The following FGA variants were observed in gnomAD, a reference collection of about 807,000 sequenced individuals.
The protein encoded by FGA is fibrinogen alpha chain.
In FGA, 20 loss-of-function variants were observed where a neutral mutation model predicts 20.3. The ratio of observed to expected loss-of-function variants is 0.99; its 90% CI spans 0.69 to 1.43. FGA has a LOEUF of 1.43. Among genes scored for constraint, FGA ranks in the 40% most tolerant of loss-of-function variants. FGA has a pLI of 0.00. For synonymous variants in FGA, 306 were observed against 281.6 expected, an observed-to-expected ratio of 1.09 and a Z score of -0.87; for missense variants, 777 against 784.7, an observed-to-expected ratio of 0.99 and a Z score of 0.12.
chr4:154,584,357 T>C, downstream of FGA: 1 of 1,614,162 alleles, frequency 6.2e-7, no homozygotes, highest in Non-Finnish European at 8.5e-7. Flanking sequence ...TCTGCATCCC[T>C]GTCAAAGGTG....
chr4:154,586,223 G>T lies in FGA; in HGVS notation c.1206C>A (p.Asn402Lys), dbSNP rs768140528. Residue 402 changes from asparagine to lysine, a missense_variant, in exon 5 of 5, where the codon AAC (asparagine) becomes AAA (lysine). Asn to Lys is a moderately conservative substitution (Grantham distance 94). Coordinates refer to ENST00000403106, the MANE Select transcript of FGA (RefSeq NM_021871.4). ...CCCAGTCTGGGTTGTTAGGCCTCGC[G>T]TTCCCAGAGCCTGGGCTATCTGGCC... Reference protein sequence around the residue: ...SFRPDSPGSGNARPNNPDWGT... With the variant: ...SFRPDSPGSGKARPNNPDWGT... The T allele has an allele frequency of 6.2e-7, 1 of 1,613,934 alleles. No homozygotes were observed. The highest frequency in any genetic ancestry group is 8.5e-7 in the Non-Finnish European group (1 of 1,179,990).
In FGA at chr4:154,586,853, TA is replaced by T; in HGVS notation, c.575del (p.Val192GlufsTer3). On this transcript the variant is annotated frameshift_variant, in exon 5 of 5. Coordinates refer to ENST00000403106, the MANE Select transcript of FGA (RefSeq NM_021871.4). LOFTEE classifies it low-confidence loss of function (END_TRUNC). The stretch of plus-strand genomic sequence containing the variant: ...GCTGATCTTCATAGTCCTTCAGATC[TA>T]CTTCACGAGCTAAAGCCCTACTGCA... ...GSCSRALARE[V>X]DLKDYEDQQK... 4 of 1,614,148 alleles carry T rather than the reference TA, an allele frequency of 2.5e-6. No individual in the cohort carries two copies. Among genetic ancestry groups the T allele is most frequent in the Non-Finnish European group, 3.4e-6 (4 of 1,179,976 alleles).
At chr4:154,583,990 A>G (rs892552324), downstream of FGA, 6 of 692,312 alleles carry the variant, frequency 8.7e-6, 1 homozygote, top group Admixed American at 1.1e-4. Flanking sequence ...ACATTTAGCT[A>G]CAGTACAAAG....
intron 1 of FGA, among the ~76,000 whole-genome samples, 192 bp from the exon 2 acceptor site, chr4:154,589,754 T>C (rs1016057016): frequency 1.5e-4 from 23 of 152,188 alleles, no homozygotes; most frequent in Admixed American, 1.3e-3. Flanking sequence ...TTTTATGGAG[T>C]TGTTATGAGA....
In FGA at chr4:154,586,247, C is replaced by A; in HGVS notation, c.1182G>T (p.Arg394Ser). 3 of 1,614,052 alleles carry A rather than the reference C, an allele frequency of 1.9e-6. No individual in the cohort carries two copies. Among genetic ancestry groups the A allele is most frequent in the Non-Finnish European group, 2.5e-6 (3 of 1,179,954 alleles). The change falls in exon 5 of 5, where the codon AGG becomes AGT. Residue 394 changes from arginine (R) to serine (S), a missense_variant. By Grantham distance (110) the Arg-to-Ser change is moderately radical. Coordinates refer to ENST00000403106, the MANE Select transcript of FGA (RefSeq NM_021871.4). ...CGTTCCCAGAGCCTGGGCTATCTGG[C>A]CTAAAACTTCCAGATTCAGAGTGCC... ...GQWHSESGSF[R>S]PDSPGSGNAR...
At chr4:154,584,617 C>G (rs1730664263), downstream of FGA, 4 of 1,614,042 alleles carry the variant, frequency 2.5e-6, no homozygotes, top group East Asian at 8.9e-5. Context: ...TTCTCCTTCC[C>G]CCTCGTCATT....
At chr4:154,584,884 C>G (rs1179374903), downstream of FGA, 1 of 1,323,032 alleles carries the variant, frequency 7.6e-7, no homozygotes, top group Non-Finnish European at 1.1e-6. Context: ...TTTAACTTTA[C>G]AAAGATAGGC....
chr4:154,585,699 G>A lies in FGA; in HGVS notation c.1730C>T (p.Ser577Leu). ...ACTAGTAAATTGTTTGCTGTAACTT[G>A]AAGATTTACCACGGGAAGGGAATTC... ...IAEFPSRGKS[S>L]SYSKQFTSST... The change falls in exon 5 of 5, where the codon TCA becomes TTA. Residue 577 changes from serine to leucine, a missense_variant. Physicochemically the swap from Ser to Leu is moderately radical, Grantham distance 145. Transcript: ENST00000403106. 1 of 1,614,160 alleles carries A rather than the reference G, an allele frequency of 6.2e-7. No individual in the cohort carries two copies. The highest frequency in any genetic ancestry group is 1.1e-5 in the South Asian group (1 of 91,068).
In FGA at chr4:154,586,930, G is replaced by C. The variant is rs377172488; in HGVS notation, c.511-12C>G. On this transcript the variant is annotated splice_polypyrimidine_tract_variant and intron_variant, in intron 4 of 4. Coordinates refer to ENST00000403106, the MANE Select transcript of FGA (RefSeq NM_021871.4). ...ATATCAATGTCCACCTAGAGAGAGGGGAGAAAAATAAAGAGAAAATGTAGA... is the reference window on the plus strand; with the variant it reads ...ATATCAATGTCCACCTAGAGAGAGGCGAGAAAAATAAAGAGAAAATGTAGA... 5.6e-6 allele frequency: 9 copies of C among 1,611,902 alleles called. No homozygotes were observed. Among genetic ancestry groups the C allele is most frequent in the Non-Finnish European group, 7.6e-6 (9 of 1,179,340 alleles).
Position 154,586,692 on chromosome 4 carries a change from G to A in FGA, c.737C>T (p.Pro246Leu), listed in dbSNP as rs781564517. The A allele has an allele frequency of 5.6e-6, 9 of 1,614,206 alleles. No homozygotes were observed. Among genetic ancestry groups the A allele is most frequent in the Non-Finnish European group, 3.4e-6 (4 of 1,180,024 alleles). The change falls in exon 5 of 5, where the codon CCA (proline) becomes CTA (leucine). Residue 246 changes from proline (P) to leucine (L), a missense_variant. Physicochemically the swap from Pro to Leu is moderately conservative, Grantham distance 98. Transcript: ENST00000403106. ...NFKSQLQKVP[P>L]EWKALTDMPQ... ...CATGTCTGTTAATGCCTTCCACTCTGGGGGTACCTTCTGAAGCTGGCTCTT... is the reference window on the plus strand; with the variant it reads ...CATGTCTGTTAATGCCTTCCACTCTAGGGGTACCTTCTGAAGCTGGCTCTT...
downstream of FGA, chr4:154,584,090 G>GAAGACAGAGTGCTCCCATTCCCACTTCA (rs2110804526): frequency 1.3e-6 from 2 of 1,485,086 alleles, no homozygotes; most frequent in South Asian, 1.1e-5. Flanking sequence ...CTCTAGCAAA[G>GAAGACAGAGTGCTCCCATTCCCACTTCA]AAGACAGAGT....
In FGA at chr4:154,587,520, G is replaced by A. The variant is rs755117226; in HGVS notation, c.502C>T (p.Arg168Ter). ...CACAGCCACATACTTACCTCCAGTC[G>A]TTTCATATCAACCAACTGAGCTCTA... ...NVRAQLVDMK[R>*]LEVDIDIKIR... Residue 168 changes from arginine (R) to a stop codon, truncating the protein, a stop_gained, in exon 4 of 5, where the codon CGA (arginine) becomes TGA (stop). Transcript: ENST00000403106. LOFTEE classifies it low-confidence loss of function (END_TRUNC). The A allele has an allele frequency of 1.5e-5, 24 of 1,613,652 alleles. No homozygotes were observed. The highest frequency in any genetic ancestry group is 2.7e-5 in the African/African-American group (2 of 74,824).
In FGA at chr4:154,585,567, C is replaced by G; in HGVS notation, c.1862G>C (p.Arg621Thr). 1.2e-6 allele frequency: 2 copies of G among 1,614,196 alleles called. No individual in the cohort carries two copies. Residue 621 changes from arginine to threonine, a missense_variant, in exon 5 of 5, where the codon AGA becomes ACA. Physicochemically the swap from Arg to Thr is moderately conservative, Grantham distance 71 (BLOSUM62 -1). Coordinates refer to ENST00000403106, the MANE Select transcript of FGA (RefSeq NM_021871.4). ...GACAGGGCGAGATTTAGCATGGCCT[C>G]TCTTGGTGCTATGTGTTCCTTCATG... ...ADHEGTHSTK[R>T]GHAKSRPVRG...
In FGA at chr4:154,588,942, C is replaced by A; in HGVS notation, c.215G>T (p.Gly72Val). The A allele has an allele frequency of 1.9e-6, 3 of 1,613,642 alleles. No individual in the cohort carries two copies. Among genetic ancestry groups the A allele is most frequent in the South Asian group, 1.1e-5 (1 of 91,056 alleles). Residue 72 changes from glycine (G) to valine (V), a missense_variant, in exon 3 of 5, where the codon GGG becomes GTG. Coordinates refer to ENST00000403106, the MANE Select transcript of FGA (RefSeq NM_021871.4). ...YKCPSGCRMK[G>V]LIDEVNQDFT... ...ATCTTGATTGACTTCATCAATCAACCCTTTCATCCTGCAGCCAGAAGGGCA... is the reference window on the plus strand; with the variant it reads ...ATCTTGATTGACTTCATCAATCAACACTTTCATCCTGCAGCCAGAAGGGCA...
rs1327611509 is a variant in FGA at position 154,586,830 on chromosome 4, T to G, written c.599A>C (p.Gln200Pro). 1.2e-6 allele frequency: 2 copies of G among 1,614,226 alleles called. No individual in the cohort carries two copies. The highest frequency in any genetic ancestry group is 1.7e-6 in the Non-Finnish European group (2 of 1,180,038). The change falls in exon 5 of 5, where the codon CAG becomes CCG. Residue 200 changes from glutamine (Q) to proline (P), a missense_variant. Physicochemically the swap from Gln to Pro is moderately conservative, Grantham distance 76 (BLOSUM62 -1). Transcript: ENST00000403106. Reference protein sequence around the residue: ...REVDLKDYEDQQKQLEQVIAK... With the variant: ...REVDLKDYEDPQKQLEQVIAK... ...AATGACCTGTTCAAGTTGCTTCTGCTGATCTTCATAGTCCTTCAGATCTAC... is the reference window on the plus strand; with the variant it reads ...AATGACCTGTTCAAGTTGCTTCTGCGGATCTTCATAGTCCTTCAGATCTAC...
chr4:154,584,539 T>TCTAATTCA, downstream of FGA: 1 of 1,614,174 alleles, frequency 6.2e-7, no homozygotes, highest in Non-Finnish European at 8.5e-7. Context: ...AGCCCAGTCC[T>TCTAATTCA]CTAATTCAAC....
chr4:154,590,599 G>C, intron 1 of FGA, 35 bp downstream of exon 1: 1 of 1,523,628 alleles, frequency 6.6e-7, no homozygotes, highest in Non-Finnish European at 8.9e-7. Flanking sequence ...AAACACCAGA[G>C]AGAAAGCAAG....
chr4:154,586,210 T>TGTTA lies in FGA; in HGVS notation c.1215_1218dup (p.Asn407Ter), dbSNP rs767571876. ...TCTTCAAATGTGCCCCAGTCTGGGT[T>TGTTA]GTTAGGCCTCGCGTTCCCAGAGCCT... On this transcript the variant is annotated stop_gained and frameshift_variant, in exon 5 of 5. Coordinates refer to ENST00000403106, the MANE Select transcript of FGA (RefSeq NM_021871.4). LOFTEE classifies it low-confidence loss of function (END_TRUNC). The TGTTA allele has an allele frequency of 2.5e-6, 4 of 1,614,152 alleles. No individual in the cohort carries two copies. The highest frequency in any genetic ancestry group is 3.4e-6 in the Non-Finnish European group (4 of 1,180,008).
At position 154,589,021 on chromosome 4, in the gene FGA, A is replaced by G. The variant is rs767462287; in HGVS notation, c.181-45T>C. 23 of 1,497,452 alleles carry G rather than the reference A, an allele frequency of 1.5e-5. No individual in the cohort carries two copies. The African/African-American group carries it at 2.8e-4, about 18-fold the overall frequency. 92.8% of individuals were successfully genotyped at this position (1,497,452 alleles called of 1,614,324 possible). A position where few individuals can be genotyped will look rare whatever the true frequency, so the allele number is the denominator to read the frequency against. ...ATTACAGTAAGGATCTATCTCTCAGATTCAGAATAATTTTGCATGTTTCCA... is the reference window on the plus strand; with the variant it reads ...ATTACAGTAAGGATCTATCTCTCAGGTTCAGAATAATTTTGCATGTTTCCA... On this transcript the variant is annotated intron_variant, in intron 2 of 4. Coordinates refer to ENST00000403106, the MANE Select transcript of FGA (RefSeq NM_021871.4).
Sources: gnomAD v4.1 joint callset for allele counts (sites outside exome capture counted in the v4.1 genomes callset) on GRCh38, gnomAD v4.1.1 for gene constraint, MANE v1.5 for transcripts, NCBI Gene and HGNC (gene_info 2026-07-23, HGNC 2026-07-21) for gene names.